The following WDR4 variants were observed in gnomAD, a reference collection of about 807,000 sequenced individuals.
WDR4 encodes tRNA (guanine-N(7)-)-methyltransferase non-catalytic subunit WDR4.
WDR4 carries 47 observed loss-of-function variants against 48.6 expected under a neutral mutation model. The ratio of observed to expected loss-of-function variants is 0.97; its 90% CI spans 0.77 to 1.23. WDR4 has a LOEUF of 1.23. Ranked by LOEUF, WDR4 falls within the 50% of genes most tolerant of loss-of-function variation. The pLI, the probability that WDR4 is intolerant of heterozygous loss-of-function variation, is 0.00. For missense variants in WDR4, 606 were observed against 551.6 expected, an observed-to-expected ratio of 1.10 and a Z score of -0.99; for synonymous variants, 268 against 230.0, an observed-to-expected ratio of 1.17 and a Z score of -1.49.
Position 42,859,733 on chromosome 21 carries a change from G to C in WDR4, c.567-11C>G. On this transcript the variant is annotated splice_polypyrimidine_tract_variant and intron_variant, in intron 5 of 10. Coordinates refer to ENST00000398208, the MANE Select transcript of WDR4 (RefSeq NM_018669.6). Reference sequence around the variant, plus strand: ...ATACGGCTCACAAACCTGTGAGGGCGAGAGAGAGCGGCAGAGTCAGCGAGC... The same window carrying C: ...ATACGGCTCACAAACCTGTGAGGGCCAGAGAGAGCGGCAGAGTCAGCGAGC... The C allele has an allele frequency of 6.4e-7, 1 of 1,555,766 alleles. No individual in the cohort carries two copies. The highest frequency in any genetic ancestry group is 8.7e-7 in the Non-Finnish European group (1 of 1,149,502).
Position 42,849,952 on chromosome 21 carries a change from T to C in WDR4, c.*97A>G. 1 of 1,490,948 alleles carries C rather than the reference T, an allele frequency of 6.7e-7. No individual in the cohort carries two copies. The highest frequency in any genetic ancestry group is 9.2e-7 in the Non-Finnish European group (1 of 1,089,212). The allele number at this position is 1,490,948 out of a possible 1,614,324, so 92.4% of individuals were successfully genotyped here. On this transcript the variant is annotated 3_prime_UTR_variant, in exon 11 of 11. Coordinates refer to ENST00000398208, the MANE Select transcript of WDR4 (RefSeq NM_018669.6). The stretch of plus-strand genomic sequence containing the variant: ...TCCTCTGAGCTGGTCACAACTGATG[T>C]CACCTTTTCCTTCTTGAAGGGACAT...
chr21:42,879,313 G>C lies in WDR4; in HGVS notation c.89+94C>G, dbSNP rs2058577297. 5.8e-6 allele frequency: 9 copies of C among 1,545,498 alleles called. No homozygotes were observed. In the South Asian group the frequency reaches 9.6e-5, roughly 17 times the overall value. On this transcript the variant is annotated intron_variant, in intron 1 of 10. Coordinates refer to ENST00000398208, the MANE Select transcript of WDR4 (RefSeq NM_018669.6). ...AGTTCCCCGGGGTCACCCCAGAGTG[G>C]GTGCGACCAGGCGGTGCGGGAGAAG... is the stretch of plus-strand genomic sequence containing the variant.
intron 3 of WDR4, among the ~76,000 whole-genome samples, chr21:42,864,560 G>A (rs780946588): frequency 6.6e-6 from 1 of 152,178 alleles, no homozygotes; most frequent in Non-Finnish European, 1.5e-5. Context: ...CGGTTATCCA[G>A]CGTGTGAGAG....
chr21:42,849,094 TCACACA>T (rs35060048), downstream of WDR4: 1 of 74,052 alleles, frequency 1.4e-5, no homozygotes, highest in Non-Finnish European at 2.8e-5. Flanking sequence ...ACCACGCACC[TCACACA>T]CACACACAGC....
chr21:42,887,268 A>G, the WDR4 span, among the ~76,000 whole-genome samples: 1 of 150,990 alleles, frequency 6.6e-6, no homozygotes, highest in Non-Finnish European at 1.5e-5. Context: ...CTGGGATTAC[A>G]GGTGTGGGCC....
the WDR4 span, among the ~76,000 whole-genome samples, chr21:42,887,605 A>G: frequency 9.0e-4 from 137 of 152,214 alleles, 1 homozygote; most frequent in African/African-American, 2.4e-4. Context: ...GTATGTGCTA[A>G]CATTAGTTTT....
intron 2 of WDR4, among the ~76,000 whole-genome samples, chr21:42,874,317 CTG>C (rs2058438729): frequency 6.6e-6 from 1 of 152,196 alleles, no homozygotes; most frequent in Non-Finnish European, 1.5e-5. Context: ...TCTCTTAATC[CTG>C]TCAGCCGAGG....
intron 4 of WDR4, 90 bp downstream of exon 4, chr21:42,863,350 A>G (rs2058162304): frequency 8.1e-6 from 12 of 1,473,418 alleles, no homozygotes; most frequent in Admixed American, 2.0e-5. Context: ...CAGGGTAGAC[A>G]TTGACTCAGC....
intron 6 of WDR4, among the ~76,000 whole-genome samples, chr21:42,856,887 GAAGAC>G (rs2058007200): frequency 6.6e-6 from 1 of 151,940 alleles, no homozygotes; most frequent in Non-Finnish European, 1.5e-5. Flanking sequence ...ACCTCTCTAC[GAAGAC>G]AAGAAAAAGA....
At position 42,849,887 on chromosome 21, in the gene WDR4, G is replaced by A. The variant is rs1439792285; in HGVS notation, c.*162C>T. 2.4e-6 allele frequency: 2 copies of A among 843,392 alleles called. No homozygotes were observed. Among genetic ancestry groups the A allele is most frequent in the Non-Finnish European group, 3.6e-6 (2 of 556,164 alleles). The allele number at this position is 843,392 out of a possible 1,614,324, so 52.2% of individuals were successfully genotyped here. A position where few individuals can be genotyped will look rare whatever the true frequency, so the allele number is the denominator to read the frequency against. ...GCACCCAGCAAGAGCCTGTGCTGGTGACACAGAATGTTCTTTCTAGAGCCC... is the reference window on the plus strand; with the variant it reads ...GCACCCAGCAAGAGCCTGTGCTGGTAACACAGAATGTTCTTTCTAGAGCCC... On this transcript the variant is annotated 3_prime_UTR_variant, in exon 11 of 11. Transcript: ENST00000398208.
chr21:42,853,581 G>A lies in WDR4; in HGVS notation c.963C>T (p.Gly321=), dbSNP rs146863277. 2,180 of 1,608,448 alleles carry A rather than the reference G, an allele frequency of 1.4e-3. 13 individuals carry two copies. In the African/African-American group the frequency reaches 0.014, roughly 10 times the overall value. ...TGCCGAGTCTCACCTGCCACTGGTC[G>A]CCCACAGGCCTGTAGAGCACCAGGG... ...EAPLVLYRPV[G]DQWQSVPEST... The change falls in exon 9 of 11, where the codon GGC becomes GGT. Residue 321 remains glycine (G), a synonymous_variant. Coordinates refer to ENST00000398208, the MANE Select transcript of WDR4 (RefSeq NM_018669.6).
At chr21:42,859,603 C>T in intron 6 of WDR4, 59 bp downstream of exon 6, 5 of 586,298 alleles carry the variant, frequency 8.5e-6, no homozygotes, top group South Asian at 1.7e-5. Context: ...AGGCGCCCAC[C>T]CCACCCTCCC....
At chr21:42,852,405 A>C (rs1025547010) in intron 9 of WDR4, 81 bp from the exon 10 acceptor site, 1 of 1,502,230 alleles carries the variant, frequency 6.7e-7, no homozygotes, top group Non-Finnish European at 9.1e-7. Context: ...CATGCTGGCC[A>C]GAGAGGCTTG....
At chr21:42,885,090 T>C in the WDR4 span, among the ~76,000 whole-genome samples, 1 of 152,174 alleles carries the variant, frequency 6.6e-6, no homozygotes, top group Non-Finnish European at 1.5e-5. Flanking sequence ...ATTATGTTTC[T>C]AAATAGGTGT....
At chr21:42,845,386 C>T (rs1282989901), downstream of WDR4, among the ~76,000 whole-genome samples, 2 of 152,368 alleles carry the variant, frequency 1.3e-5, no homozygotes, top group East Asian at 3.9e-4. Flanking sequence ...ACACAGAAAG[C>T]TCTCCTTCCC....
At chr21:42,891,532 G>T in the WDR4 span, among the ~76,000 whole-genome samples, 1 of 151,922 alleles carries the variant, frequency 6.6e-6, no homozygotes, top group Non-Finnish European at 1.5e-5. Context: ...CATGAAGGAG[G>T]GTGACGTGGA....
At chr21:42,873,044 G>T (rs2058407663) in intron 3 of WDR4, among the ~76,000 whole-genome samples, 1 of 152,164 alleles carries the variant, frequency 6.6e-6, no homozygotes, top group African/African-American at 2.4e-5. Context: ...AGAGTTACTG[G>T]CCTCCCCATC....
downstream of WDR4, among the ~76,000 whole-genome samples, chr21:42,846,800 T>C (rs1339359594): frequency 6.6e-6 from 1 of 152,030 alleles, no homozygotes; most frequent in Non-Finnish European, 1.5e-5. Flanking sequence ...GGCGAGAGGA[T>C]CACCTGAGGT....
intron 3 of WDR4, among the ~76,000 whole-genome samples, chr21:42,872,227 G>A (rs987747644): frequency 6.6e-6 from 1 of 152,022 alleles, no homozygotes; most frequent in South Asian, 2.1e-4. Context: ...CAGGTGATCC[G>A]ATCCGCCTGC....
Sources: gnomAD v4.1 joint callset for allele counts (sites outside exome capture counted in the v4.1 genomes callset) on GRCh38, gnomAD v4.1.1 for gene constraint, MANE v1.5 for transcripts, NCBI Gene and HGNC (gene_info 2026-07-23, HGNC 2026-07-21) for gene names.